Variants in ANKRD33B observed in about 807,000 individuals in gnomAD.
ANKRD33B encodes ankyrin repeat domain-containing protein 33B.
Under a neutral mutation model 21.5 loss-of-function variants are expected in ANKRD33B, and 6 were observed. The ratio of observed to expected loss-of-function variants is 0.28; its 90% confidence interval spans 0.15 to 0.55. The LOEUF is 0.55. Among genes scored for constraint, ANKRD33B ranks in the 20% least tolerant of loss-of-function variants. The probability of loss-of-function intolerance (pLI) is 0.94; values close to 1 mark genes in which losing one functional copy is unlikely to be tolerated. For synonymous variants in ANKRD33B, 347 were observed against 342.4 expected (o/e 1.01, Z -0.15); for missense variants, 698 against 747.2 (o/e 0.93, Z 0.77).
intron 1 of ANKRD33B, among the ~76,000 whole-genome samples, chr5:10,574,627 C>T (rs1000183204): frequency 1.4e-4 from 22 of 152,170 alleles, no homozygotes; most frequent in African/African-American, 5.1e-4. Context: ...AGATCCAGGA[C>T]AAAAGCTGAT....
At chr5:10,626,885 A>G (rs1209468243) in intron 2 of ANKRD33B, among the ~76,000 whole-genome samples, 1 of 152,230 alleles carries the variant, frequency 6.6e-6, no homozygotes, top group Non-Finnish European at 1.5e-5. Context: ...CAGTCGCACT[A>G]AGCAGAATCA....
intron 3 of ANKRD33B, among the ~76,000 whole-genome samples, chr5:10,640,596 T>A (rs1024981684): frequency 6.6e-6 from 1 of 152,240 alleles, no homozygotes; most frequent in Admixed American, 6.5e-5. Context: ...GCAGCTGACA[T>A]CTCAGTGAAT....
chr5:10,579,872 A>G (rs1735406797), intron 1 of ANKRD33B, among the ~76,000 whole-genome samples: 1 of 152,254 alleles, frequency 6.6e-6, no homozygotes, highest in African/African-American at 2.4e-5. Flanking sequence ...TTTAATGTCT[A>G]CCGTGGTTTT....
At chr5:10,601,670 A>G (rs1475899897) in intron 1 of ANKRD33B, among the ~76,000 whole-genome samples, 3 of 152,240 alleles carry the variant, frequency 2.0e-5, no homozygotes, top group East Asian at 3.8e-4. Flanking sequence ...ATAAATGCTC[A>G]TGGGTGATGA....
chr5:10,628,722 C>T (rs1439386840), intron 2 of ANKRD33B, among the ~76,000 whole-genome samples: 1 of 152,178 alleles, frequency 6.6e-6, no homozygotes, highest in Non-Finnish European at 1.5e-5. Context: ...ATTTATTGAG[C>T]ACCCCAGAGC....
In ANKRD33B at chr5:10,619,757, G is replaced by A. The variant is rs920881299; in HGVS notation, c.496+1295G>A. On this transcript the variant is annotated intron_variant, in intron 2 of 3. Coordinates refer to ENST00000296657, the MANE Select transcript of ANKRD33B (RefSeq NM_001164440.2). The surrounding 1 kb of genome is among the most constrained non-coding windows in gnomAD (Gnocchi z 4.5). ...GGCATTCAGTGATTCGTTTCCTCTC[G>A]TGGGCCAGCTGCCATGTCAGGGACC... Among the ~76,000 whole-genome samples the A allele has an allele frequency of 9.9e-5, 15 of 152,152 alleles. No homozygotes were observed. Among genetic ancestry groups the A allele is most frequent in the East Asian group, 3.9e-4 (2 of 5,192 alleles).
At chr5:10,640,172 C>G (rs944496743) in intron 3 of ANKRD33B, among the ~76,000 whole-genome samples, 1 of 151,794 alleles carries the variant, frequency 6.6e-6, no homozygotes, top group Non-Finnish European at 1.5e-5. Context: ...TGTGGAGTTG[C>G]GTGGTAATGT....
At chr5:10,608,147 G>A (rs1450135570) in intron 1 of ANKRD33B, among the ~76,000 whole-genome samples, 2 of 148,032 alleles carry the variant, frequency 1.4e-5, no homozygotes, top group African/African-American at 5.0e-5. Flanking sequence ...TCAGGAGCTC[G>A]AGACCAGCCT....
chr5:10,641,797 G>A (rs1278872787), intron 3 of ANKRD33B, among the ~76,000 whole-genome samples: 3 of 121,472 alleles, frequency 2.5e-5, no homozygotes, highest in African/African-American at 8.7e-5. Flanking sequence ...AACTTTCTTG[G>A]AAATAAAAAA....
intron 1 of ANKRD33B, among the ~76,000 whole-genome samples, chr5:10,613,848 C>T (rs551181568): frequency 8.6e-5 from 13 of 150,850 alleles, no homozygotes; most frequent in Admixed American, 5.3e-4. Context: ...TGCAGTGAGC[C>T]GAGATCGTGT....
Position 10,650,130 on chromosome 5 carries a change from C to CGCGGGGGCCGGG in ANKRD33B, c.*19_*20insGGGGGCCGGGGC. 1 of 1,464,074 alleles carries CGCGGGGGCCGGG rather than the reference C, an allele frequency of 6.8e-7. No homozygotes were observed. 90.7% of individuals were successfully genotyped at this position (1,464,074 alleles called of 1,614,324 possible). A position where few individuals can be genotyped will look rare whatever the true frequency, so the allele number is the denominator to read the frequency against. Reference sequence around the variant, plus strand: ...AGGACGTGAGGGCCCGTGTGCCTGGCGCTGGGGCCGGGGCTGGGGCCGGGG... The same window carrying CGCGGGGGCCGGG: ...AGGACGTGAGGGCCCGTGTGCCTGGCGCGGGGGCCGGGGCTGGGGCCGGGGCTGGGGCCGGGG... On this transcript the variant is annotated 3_prime_UTR_variant, in exon 4 of 4. Coordinates refer to ENST00000296657, the MANE Select transcript of ANKRD33B (RefSeq NM_001164440.2).
intron 2 of ANKRD33B, among the ~76,000 whole-genome samples, chr5:10,622,191 G>C (rs1055328440): frequency 1.3e-5 from 2 of 152,330 alleles, no homozygotes; most frequent in East Asian, 3.9e-4. Context: ...TAACCTTGTA[G>C]AGTTGTGGAG....
chr5:10,591,228 G>A (rs67225988), intron 1 of ANKRD33B, among the ~76,000 whole-genome samples: 1 of 138,576 alleles, frequency 7.2e-6, no homozygotes, highest in Non-Finnish European at 1.5e-5. Context: ...AGTCTCATTC[G>A]GTTGCCCAGG....
In ANKRD33B at chr5:10,626,815, A is replaced by G. The variant is rs1450899582; in HGVS notation, c.496+8353A>G. 2.6e-5 allele frequency among the ~76,000 whole-genome samples: 4 copies of G among 152,134 alleles called. No homozygotes were observed. In the East Asian group the frequency reaches 7.7e-4, roughly 29 times the overall value. ...GCAGAGTATCGTTGCCATCTCACCAACCAGGGTTGCGTCACAAGCCCGTGC... is the reference window on the plus strand; with the variant it reads ...GCAGAGTATCGTTGCCATCTCACCAGCCAGGGTTGCGTCACAAGCCCGTGC... On this transcript the variant is annotated intron_variant, in intron 2 of 3. Coordinates refer to ENST00000296657, the MANE Select transcript of ANKRD33B (RefSeq NM_001164440.2).
intron 1 of ANKRD33B, among the ~76,000 whole-genome samples, chr5:10,582,607 C>T (rs923589834): frequency 1.3e-5 from 2 of 152,250 alleles, no homozygotes; most frequent in Non-Finnish European, 2.9e-5. Context: ...TCTCCAGATG[C>T]TTCCCTCTGT....
intron 2 of ANKRD33B, among the ~76,000 whole-genome samples, chr5:10,624,073 A>G (rs1736485029): frequency 6.8e-6 from 1 of 146,546 alleles, no homozygotes; most frequent in African/African-American, 2.5e-5. Flanking sequence ...AAATAAAATC[A>G]TTATTATAAT....
rs1231122313 is a variant in ANKRD33B at position 10,651,485 on chromosome 5, T to A, written c.*1372T>A. 1 of 152,092 alleles carries A rather than the reference T, an allele frequency of 6.6e-6. No individual in the cohort carries two copies. Among genetic ancestry groups the A allele is most frequent in the African/African-American group, 2.4e-5 (1 of 41,334 alleles). The allele number at this position is 152,092 out of a possible 1,614,324, so 9.4% of individuals were successfully genotyped here. Reference sequence around the variant, plus strand: ...TGCATAATTTTGTATTTGTAATCATTATCAGATTTGCAGCATTCTAATTCG... The same window carrying A: ...TGCATAATTTTGTATTTGTAATCATAATCAGATTTGCAGCATTCTAATTCG... On this transcript the variant is annotated 3_prime_UTR_variant, in exon 4 of 4. Coordinates refer to ENST00000296657, the MANE Select transcript of ANKRD33B (RefSeq NM_001164440.2).
intron 3 of ANKRD33B, among the ~76,000 whole-genome samples, chr5:10,640,534 A>G (rs1737024910): frequency 6.6e-6 from 1 of 152,274 alleles, no homozygotes; most frequent in Non-Finnish European, 1.5e-5. Context: ...GGTTATTTTG[A>G]GAATTAAATG....
At chr5:10,580,673 G>A (rs1735426146) in intron 1 of ANKRD33B, among the ~76,000 whole-genome samples, 1 of 152,104 alleles carries the variant, frequency 6.6e-6, no homozygotes, top group African/African-American at 2.4e-5. Flanking sequence ...GAGTAGGCCA[G>A]TTGGCTTTGC....
Sources: gnomAD v4.1 joint callset for allele counts (sites outside exome capture counted in the v4.1 genomes callset) on GRCh38, gnomAD v4.1.1 for gene constraint, Gnocchi (gnomAD v3.1) non-coding constraint, MANE v1.5 for transcripts, NCBI Gene and HGNC (gene_info 2026-07-23, HGNC 2026-07-21) for gene names.